PCDH15: variants seen among roughly 807,000 people sequenced by gnomAD.
PCDH15 encodes the protein protocadherin related 15.
A neutral mutation model predicts 178.5 loss-of-function variants in PCDH15; 129 were observed. That is an observed-to-expected ratio of 0.72 (90% CI 0.63 to 0.84). The LOEUF is 0.84. Among genes scored for constraint, PCDH15 ranks in the 40% least tolerant of loss-of-function variants. The pLI is 0.00. For synonymous variants in PCDH15, 800 were observed against 732.0 expected (o/e 1.09, Z -1.50); for missense variants, 2,230 against 2,099.9 (o/e 1.06, Z -1.21).
chr10:54,914,531 T>C (rs992960324), intron 2 of PCDH15, among the ~76,000 whole-genome samples: 23 of 152,158 alleles, frequency 1.5e-4, no homozygotes, highest in African/African-American at 4.3e-4. Context: ...TCAAAGTTAC[T>C]GGTTTTCCAT....
intron 3 of PCDH15, among the ~76,000 whole-genome samples, chr10:54,440,185 C>T (rs987640223): frequency 6.6e-6 from 1 of 151,904 alleles, no homozygotes; most frequent in African/African-American, 2.4e-5. Flanking sequence ...ACAACAAAAA[C>T]GATGCTGTGC....
chr10:55,413,990 A>C (rs1352960433), intron 2 of PCDH15, among the ~76,000 whole-genome samples: 1 of 151,612 alleles, frequency 6.6e-6, no homozygotes, highest in African/African-American at 2.4e-5. Flanking sequence ...CAGATATAAG[A>C]GTAAGATAAT....
At position 55,092,015 on chromosome 10, in the gene PCDH15, C is replaced by T. The variant is rs547374156; in HGVS notation, c.-80+74561G>A. The stretch of plus-strand genomic sequence containing the variant: ...ATGAAAATAACTTTATGGCATTCTC[C>T]CTCATTCCATTTTTCACAGAAATCT... On this transcript the variant is annotated intron_variant, in intron 2 of 5. Coordinates refer to the PCDH15 transcript ENST00000458638. Among the ~76,000 whole-genome samples the T allele has an allele frequency of 1.2e-4, 18 of 151,770 alleles. No homozygotes were observed. In the East Asian group the frequency reaches 3.3e-3, roughly 28 times the overall value.
intron 26 of PCDH15, among the ~76,000 whole-genome samples, chr10:53,877,691 T>C (rs2080346229): frequency 6.6e-6 from 1 of 152,126 alleles, no homozygotes; most frequent in African/African-American, 2.4e-5. Flanking sequence ...GTTTTTTCTT[T>C]TTGCATAGGA....
chr10:54,749,221 T>C (rs929251603), intron 1 of PCDH15, among the ~76,000 whole-genome samples: 1 of 152,140 alleles, frequency 6.6e-6, no homozygotes, highest in African/African-American at 2.4e-5. Flanking sequence ...ATTTAAGCCA[T>C]TAAAAAATGT....
Position 53,939,906 on chromosome 10 carries a change from C to T in PCDH15, c.3233-951G>A, listed in dbSNP as rs573424921. The stretch of plus-strand genomic sequence containing the variant: ...GAAATCATAGCTTTAGTCAGATGTT[C>T]GAAGTCCAAGGAAAAAGGAAATTTA... On this transcript the variant is annotated intron_variant, in intron 24 of 37. Transcript: ENST00000644397. 8.6e-5 allele frequency among the ~76,000 whole-genome samples: 13 copies of T among 152,020 alleles called. No individual in the cohort carries two copies. The East Asian group carries it at 1.2e-3, about 14-fold the overall frequency.
intron 1 of PCDH15, among the ~76,000 whole-genome samples, chr10:54,741,121 G>A (rs1275962610): frequency 2.0e-5 from 3 of 150,756 alleles, no homozygotes. Context: ...AATACCATAT[G>A]TACCACATAA....
chr10:53,855,984 G>T (rs1202112981), intron 28 of PCDH15, among the ~76,000 whole-genome samples: 1 of 147,988 alleles, frequency 6.8e-6, no homozygotes, highest in African/African-American at 2.5e-5. Flanking sequence ...AATGGCATTT[G>T]CCATTATTGG....
chr10:55,224,254 T>C (rs1196382672), intron 1 of PCDH15, among the ~76,000 whole-genome samples: 1 of 152,044 alleles, frequency 6.6e-6, no homozygotes, highest in Admixed American at 6.6e-5. Context: ...ATGAATATGG[T>C]CAGAATCTAT....
intron 2 of PCDH15, among the ~76,000 whole-genome samples, chr10:54,917,503 T>C (rs1042209390): frequency 1.2e-4 from 19 of 152,322 alleles, no homozygotes; most frequent in African/African-American, 3.6e-4. Context: ...TAATACAACA[T>C]TGAACTCATT....
At chr10:55,046,970 A>G (rs761125122) in intron 2 of PCDH15, among the ~76,000 whole-genome samples, 18 of 151,876 alleles carry the variant, frequency 1.2e-4, no homozygotes, top group Admixed American at 3.3e-4. Context: ...ATTCATCTAT[A>G]TTCAATGTTG....
intron 2 of PCDH15, among the ~76,000 whole-genome samples, chr10:55,096,311 AT>A (rs1842449612): frequency 6.6e-6 from 1 of 152,118 alleles, no homozygotes; most frequent in South Asian, 2.1e-4. Context: ...AATTCCATTC[AT>A]GGGTTTAGGT....
chr10:54,703,499 G>A (rs1357240723), intron 1 of PCDH15, among the ~76,000 whole-genome samples: 1 of 151,902 alleles, frequency 6.6e-6, no homozygotes, highest in East Asian at 1.9e-4. Context: ...CTGCCCAAAA[G>A]CACCTAGATC....
chr10:54,622,629 T>C (rs868838241), intron 2 of PCDH15, among the ~76,000 whole-genome samples: 26 of 41,596 alleles, frequency 6.3e-4, no homozygotes, highest in African/African-American at 2.6e-3. Context: ...ATATATATAA[T>C]ATATATTATA....
intron 3 of PCDH15, among the ~76,000 whole-genome samples, chr10:54,439,794 C>T (rs114954311): frequency 0.014 from 2,058 of 152,046 alleles, 48 homozygotes; most frequent in African/African-American, 0.047. Context: ...ACTTTGCTAC[C>T]AGTTTCTCAA....
intron 15 of PCDH15, among the ~76,000 whole-genome samples, chr10:54,097,651 C>T (rs2094724913): frequency 6.6e-6 from 1 of 152,064 alleles, no homozygotes; most frequent in African/African-American, 2.4e-5. Context: ...CTATTATATC[C>T]TAGCATTTTT....
chr10:55,285,297 T>A (rs1366871328), intron 1 of PCDH15, among the ~76,000 whole-genome samples: 4 of 151,100 alleles, frequency 2.6e-5, no homozygotes, highest in African/African-American at 9.7e-5. Context: ...AAAATGGTAT[T>A]CTTCCATAAC....
chr10:55,061,381 T>G (rs1056695659), intron 2 of PCDH15, among the ~76,000 whole-genome samples: 3 of 152,136 alleles, frequency 2.0e-5, no homozygotes, highest in African/African-American at 7.2e-5. Flanking sequence ...CATTTTGGAA[T>G]GGTCAAAACC....
At chr10:53,808,417 A>C (rs1397712325) in intron 37 of PCDH15, 1 of 1,149,552 alleles carries the variant, frequency 8.7e-7, no homozygotes, top group East Asian at 4.8e-5. Context: ...ATTAACAAAA[A>C]TCCTACCAGT....
Sources: gnomAD v4.1 joint callset for allele counts (sites outside exome capture counted in the v4.1 genomes callset) on GRCh38, gnomAD v4.1.1 for gene constraint, MANE v1.5 for transcripts, NCBI Gene and HGNC (gene_info 2026-07-23, HGNC 2026-07-21) for gene names.